Variants in CERKL observed in about 807,000 individuals in gnomAD.
The protein encoded by CERKL is ceramide kinase-like protein.
A neutral mutation model predicts 63.4 loss-of-function variants in CERKL; 61 were observed. The observed-to-expected ratio is 0.96, with a 90% CI of 0.78 to 1.19. The LOEUF is 1.19. Among genes scored for constraint, CERKL ranks in the 50% most tolerant of loss-of-function variants. The pLI, the probability that CERKL is intolerant of heterozygous loss-of-function variation, is 0.00. For missense variants in CERKL, 675 were observed against 655.5 expected (o/e 1.03, Z -0.33); for synonymous variants, 250 against 230.5 (o/e 1.08, Z -0.77).
At chr2:181,612,616 AATATT>A (rs1344132912) in intron 1 of CERKL, among the ~76,000 whole-genome samples, 1 of 152,120 alleles carries the variant, frequency 6.6e-6, no homozygotes, top group Non-Finnish European at 1.5e-5. Context: ...AAACATATTA[AATATT>A]ATAAGATTAA....
intron 2 of CERKL, among the ~76,000 whole-genome samples, chr2:181,600,174 C>T (rs537974754): frequency 3.5e-4 from 54 of 152,254 alleles, no homozygotes; most frequent in Non-Finnish European, 6.3e-4. Context: ...TTGTTACCAC[C>T]ACACCTGCCA....
At chr2:181,650,148 AGG>A (rs1255440864) in intron 1 of CERKL, 9 of 143,488 alleles carry the variant, frequency 6.3e-5, no homozygotes, top group African/African-American at 2.6e-4. Flanking sequence ...GAAGGAAGGA[AGG>A]AAGGAAGGAA....
intron 1 of CERKL, among the ~76,000 whole-genome samples, chr2:181,647,787 T>C (rs1482040614): frequency 6.6e-6 from 1 of 151,946 alleles, no homozygotes; most frequent in Admixed American, 6.6e-5. Context: ...ATAAAATGCC[T>C]GAAACAAAAT....
chr2:181,552,855 T>A (rs1395687151), intron 5 of CERKL, among the ~76,000 whole-genome samples: 1 of 145,324 alleles, frequency 6.9e-6, no homozygotes, highest in African/African-American at 2.6e-5. Context: ...AATAGCAGTA[T>A]TAATGGAAGT....
intron 12 of CERKL, 114 bp downstream of exon 12, chr2:181,538,977 AT>A: frequency 1.2e-6 from 1 of 804,418 alleles, no homozygotes; most frequent in Non-Finnish European, 2.1e-6. Flanking sequence ...TGATTTACTG[AT>A]TTTTTAAAAA....
chr2:181,549,528 G>A (rs1052212803), intron 6 of CERKL, 106 bp downstream of exon 6: 4 of 896,536 alleles, frequency 4.5e-6, no homozygotes, highest in African/African-American at 1.6e-5. Context: ...TACTCTAAGA[G>A]ACAAAGAACC....
intron 3 of CERKL, among the ~76,000 whole-genome samples, chr2:181,568,614 TA>T (rs1168491074): frequency 2.6e-5 from 4 of 152,076 alleles, no homozygotes. Context: ...CTTCAACATC[TA>T]AAAATTTTGG....
At chr2:181,571,088 A>G (rs1450019194) in intron 3 of CERKL, among the ~76,000 whole-genome samples, 1 of 152,182 alleles carries the variant, frequency 6.6e-6, no homozygotes, top group African/African-American at 2.4e-5. Flanking sequence ...AGTTTCAAAT[A>G]TATTATTTCA....
At chr2:181,611,027 A>G (rs1685947284) in intron 1 of CERKL, among the ~76,000 whole-genome samples, 1 of 152,088 alleles carries the variant, frequency 6.6e-6, no homozygotes. Flanking sequence ...GTTTGAGACC[A>G]GCCTGACCAA....
At chr2:181,566,989 G>T (rs962147151) in intron 3 of CERKL, among the ~76,000 whole-genome samples, 1 of 152,018 alleles carries the variant, frequency 6.6e-6, no homozygotes, top group South Asian at 2.1e-4. Context: ...TTTCATGCTT[G>T]TCTGTCCCTG....
intron 2 of CERKL, among the ~76,000 whole-genome samples, chr2:181,602,003 T>C (rs1383110948): frequency 6.6e-6 from 1 of 152,212 alleles, no homozygotes; most frequent in Non-Finnish European, 1.5e-5. Flanking sequence ...CTGTAATTTG[T>C]CTAGATTTTA....
At chr2:181,618,911 C>T (rs1247408660) in intron 1 of CERKL, among the ~76,000 whole-genome samples, 3 of 152,080 alleles carry the variant, frequency 2.0e-5, no homozygotes, top group East Asian at 3.9e-4. Flanking sequence ...GAAAATTAAG[C>T]CTAAAATGGC....
intron 2 of CERKL, among the ~76,000 whole-genome samples, chr2:181,578,852 T>G (rs1684375833): frequency 6.6e-6 from 1 of 152,052 alleles, no homozygotes. Context: ...GTTTCCAATC[T>G]TCCTTTACTG....
chr2:181,541,458 G>A (rs905827703), intron 11 of CERKL, among the ~76,000 whole-genome samples: 3 of 152,240 alleles, frequency 2.0e-5, no homozygotes, highest in Non-Finnish European at 4.4e-5. Context: ...GAATGTGGTG[G>A]AGGGTGGTAA....
chr2:181,569,126 T>C (rs1688794883), intron 3 of CERKL, among the ~76,000 whole-genome samples: 1 of 152,130 alleles, frequency 6.6e-6, no homozygotes, highest in Admixed American at 6.6e-5. Context: ...ACCCCATTAG[T>C]GAGTCTTCAT....
At chr2:181,608,902 C>G (rs970137937) in intron 1 of CERKL, among the ~76,000 whole-genome samples, 3 of 152,076 alleles carry the variant, frequency 2.0e-5, no homozygotes, top group African/African-American at 4.8e-5. Flanking sequence ...ACAAATATGT[C>G]TACACCCAAG....
intron 1 of CERKL, among the ~76,000 whole-genome samples, chr2:181,611,554 G>A (rs1251145815): frequency 6.6e-6 from 1 of 152,028 alleles, no homozygotes; most frequent in Non-Finnish European, 1.5e-5. Context: ...GCATGGTGGT[G>A]CTTTCCTGTG....
chr2:181,608,481 T>G (rs535232657), intron 1 of CERKL, among the ~76,000 whole-genome samples: 1 of 151,892 alleles, frequency 6.6e-6, no homozygotes, highest in Non-Finnish European at 1.5e-5. Context: ...AAAATGAAAG[T>G]GATGAAATAA....
At chr2:181,614,963 T>C (rs1419226276) in intron 1 of CERKL, among the ~76,000 whole-genome samples, 2 of 152,232 alleles carry the variant, frequency 1.3e-5, no homozygotes, top group Admixed American at 1.3e-4. Flanking sequence ...ATGAATGACA[T>C]ATAATTTTGC....
Sources: allele counts gnomAD v4.1 joint callset (sites outside exome capture counted in the v4.1 genomes callset), GRCh38; gene constraint gnomAD v4.1.1; transcripts MANE v1.5; gene names NCBI Gene and HGNC (gene_info 2026-07-23, HGNC 2026-07-21).